The following NTM variants were observed in gnomAD, a reference collection of about 807,000 sequenced individuals.
NTM encodes the protein IgLON family member 2.
A neutral mutation model predicts 42.1 loss-of-function variants in NTM; 13 were observed. The observed-to-expected ratio is 0.31, with a 90% CI of 0.20 to 0.49. NTM has a LOEUF of 0.49. NTM is among the 20% of genes least tolerant of loss of function. The probability of loss-of-function intolerance (pLI) is 0.99; values close to 1 mark genes in which losing one functional copy is unlikely to be tolerated. For missense variants in NTM, 373 were observed against 452.8 expected (o/e 0.82, Z 1.60); for synonymous variants, 187 against 179.2 (o/e 1.04, Z -0.35).
chr11:132,198,803 G>A (rs911035124), intron 3 of NTM, among the ~76,000 whole-genome samples: 4 of 152,344 alleles, frequency 2.6e-5, no homozygotes, highest in Admixed American at 6.5e-5. Flanking sequence ...AGTGCCTAAT[G>A]TCTCAGGACA....
chr11:131,835,663 T>A (rs1036519679), intron 1 of NTM, among the ~76,000 whole-genome samples: 40 of 152,174 alleles, frequency 2.6e-4, no homozygotes, highest in African/African-American at 9.4e-4. Flanking sequence ...ACAAACACTC[T>A]GGAAAATTAT....
chr11:131,914,926 T>G (rs1357118839), intron 2 of NTM, among the ~76,000 whole-genome samples: 1 of 152,230 alleles, frequency 6.6e-6, no homozygotes, highest in Non-Finnish European at 1.5e-5. Context: ...GGAGTTACTA[T>G]TATCCCTATT....
chr11:131,494,023 G>T (rs1484082043), intron 1 of NTM, among the ~76,000 whole-genome samples: 1 of 152,050 alleles, frequency 6.6e-6, no homozygotes, highest in Non-Finnish European at 1.5e-5. Context: ...TATTTACCTA[G>T]ATTTTATCAA....
intron 1 of NTM, among the ~76,000 whole-genome samples, chr11:131,525,629 A>C (rs138261367): frequency 1.6e-4 from 25 of 152,282 alleles, no homozygotes; most frequent in African/African-American, 6.0e-4. Flanking sequence ...GAATGAATGA[A>C]AAGGTCATCC....
At chr11:131,921,370 C>T (rs1592877497) in intron 2 of NTM, among the ~76,000 whole-genome samples, 1 of 152,078 alleles carries the variant, frequency 6.6e-6, no homozygotes, top group East Asian at 1.9e-4. Context: ...CACCCACAAG[C>T]CAAGAAATGC....
intron 1 of NTM, among the ~76,000 whole-genome samples, chr11:131,764,222 T>C (rs2084747726): frequency 6.6e-6 from 1 of 152,316 alleles, no homozygotes; most frequent in East Asian, 1.9e-4. Context: ...TGTGGTTAAT[T>C]AGCTATATAA....
At chr11:131,937,032 C>A (rs2059296951) in intron 2 of NTM, among the ~76,000 whole-genome samples, 1 of 152,188 alleles carries the variant, frequency 6.6e-6, no homozygotes, top group African/African-American at 2.4e-5. Flanking sequence ...AAAGGTGCCA[C>A]CCACCTACTA....
intron 4 of NTM, among the ~76,000 whole-genome samples, chr11:132,248,922 A>G (rs1164615373): frequency 2.0e-5 from 3 of 152,188 alleles, no homozygotes; most frequent in Non-Finnish European, 2.9e-5. Flanking sequence ...GGGAAATGTC[A>G]TCTGTTTTGG....
intron 2 of NTM, among the ~76,000 whole-genome samples, chr11:131,958,808 G>A (rs1201455116): frequency 6.6e-6 from 1 of 152,162 alleles, no homozygotes; most frequent in African/African-American, 2.4e-5. Flanking sequence ...GCCCTGTAAT[G>A]TGTGAATTCC....
intron 3 of NTM, among the ~76,000 whole-genome samples, chr11:132,193,330 A>G (rs2079611230): frequency 6.6e-6 from 1 of 152,316 alleles, no homozygotes; most frequent in African/African-American, 2.4e-5. Context: ...GCAATAAAAA[A>G]AGAAATTATT....
chr11:131,829,890 C>T (rs1592143073), intron 1 of NTM, among the ~76,000 whole-genome samples: 1 of 152,174 alleles, frequency 6.6e-6, no homozygotes, highest in South Asian at 2.1e-4. Flanking sequence ...GTGTGAGATG[C>T]TATCTCACTG....
intron 1 of NTM, among the ~76,000 whole-genome samples, chr11:131,422,069 A>G (rs7481514): frequency 0.71 from 107,824 of 152,084 alleles, 38,594 homozygotes; most frequent in East Asian, 0.9. Context: ...CATTTTGTCC[A>G]CAACGTAGTT....
At chr11:131,420,444 G>A (rs140832814) in intron 1 of NTM, among the ~76,000 whole-genome samples, 129 of 152,302 alleles carry the variant, frequency 8.5e-4, no homozygotes, top group Non-Finnish European at 1.7e-3. Context: ...TTGGTCCTCG[G>A]CATTTCAGAA....
chr11:131,787,467 C>G (rs2089456313), intron 1 of NTM, among the ~76,000 whole-genome samples: 1 of 151,540 alleles, frequency 6.6e-6, no homozygotes, highest in Non-Finnish European at 1.5e-5. Context: ...GCAGCCTCCT[C>G]CTCCTCCTCC....
intron 2 of NTM, among the ~76,000 whole-genome samples, chr11:131,912,734 G>A (rs2055429710): frequency 6.6e-6 from 1 of 152,184 alleles, no homozygotes; most frequent in Admixed American, 6.5e-5. Context: ...CAATATTCCT[G>A]TCCTTTGCAC....
At chr11:132,290,010 G>A (rs2094400919) in intron 4 of NTM, among the ~76,000 whole-genome samples, 1 of 152,200 alleles carries the variant, frequency 6.6e-6, no homozygotes. Flanking sequence ...AGCCAGGAAA[G>A]GAAGGAGGAA....
Position 132,015,744 on chromosome 11 carries a change from A to C in NTM, c.167+104096A>C, listed in dbSNP as rs146480499. ...TGCATTCCTGGTGTATAGAAATGCT[A>C]CTGATTTTTGTATGTTGATTTTGTA... On this transcript the variant is annotated intron_variant, in intron 2 of 8. Coordinates refer to ENST00000683400, the MANE Select transcript of NTM (RefSeq NM_001352005.2). Among the ~76,000 whole-genome samples the C allele has an allele frequency of 5.4e-3, 815 of 151,802 alleles. 9 individuals are homozygous for C. The highest frequency in any genetic ancestry group is 0.019 in the African/African-American group (777 of 41,438).
intron 1 of NTM, among the ~76,000 whole-genome samples, chr11:131,607,359 TTTTG>T (rs1470943388): frequency 1.3e-5 from 2 of 152,130 alleles, no homozygotes; most frequent in African/African-American, 2.4e-5. Flanking sequence ...CTGTGCTGTG[TTTTG>T]TTTGTTTGTT....
chr11:132,005,606 CAGAT>C (rs2070590404), intron 2 of NTM, among the ~76,000 whole-genome samples: 1 of 152,200 alleles, frequency 6.6e-6, no homozygotes, highest in Non-Finnish European at 1.5e-5. Context: ...TTACTCCTGA[CAGAT>C]AGTGGGGATT....
Sources: allele counts gnomAD v4.1 joint callset (sites outside exome capture counted in the v4.1 genomes callset), GRCh38; gene constraint gnomAD v4.1.1; transcripts MANE v1.5; gene names NCBI Gene and HGNC (gene_info 2026-07-23, HGNC 2026-07-21).